Variants in NCR2 observed in about 807,000 individuals in gnomAD.
NCR2 encodes the protein natural cytotoxicity triggering receptor 2.
NCR2 carries 35 observed loss-of-function variants against 30.7 expected under a neutral mutation model. That is an observed-to-expected ratio of 1.14 (90% CI 0.87 to 1.51). The LOEUF (loss-of-function observed/expected upper bound fraction) is 1.51. Among genes scored for constraint, NCR2 ranks in the 40% most tolerant of loss-of-function variants. The probability of loss-of-function intolerance (pLI) is 0.00; values close to 1 mark genes in which losing one functional copy is unlikely to be tolerated. For synonymous variants in NCR2, 146 were observed against 134.8 expected (o/e 1.08, Z -0.58); for missense variants, 316 against 328.9 (o/e 0.96, Z 0.30).
chr6:41,350,657 GGTTTCCTGC>G lies in NCR2; in HGVS notation c.645-20_645-12del, dbSNP rs1321567607. The G allele has an allele frequency of 6.2e-7, 1 of 1,606,400 alleles. No homozygotes were observed. Among genetic ancestry groups the G allele is most frequent in the Admixed American group, 1.7e-5 (1 of 58,640 alleles). On this transcript the variant is annotated splice_polypyrimidine_tract_variant and intron_variant, in intron 4 of 4. Transcript: ENST00000373089. ...TGTGGCAGTCTCTGACCACCTTCCTGGTTTCCTGCTCTGATTGCAGGGGGGACATATGGT... is the reference window on the plus strand; with the variant it reads ...TGTGGCAGTCTCTGACCACCTTCCTGTCTGATTGCAGGGGGGACATATGGT...
intron 2 of NCR2, among the ~76,000 whole-genome samples, chr6:41,337,142 T>TA (rs201238959): frequency 7.9e-4 from 119 of 151,086 alleles, no homozygotes; most frequent in African/African-American, 1.9e-3. Context: ...GAGGACCTTC[T>TA]AAAAAAAAAT....
chr6:41,344,460 G>A lies in NCR2; in HGVS notation c.644+2311G>A, dbSNP rs535402539. On this transcript the variant is annotated intron_variant, in intron 4 of 4. Transcript: ENST00000373089. Reference sequence around the variant, plus strand: ...TTGGACCTACCAGACTGAGACTGACGTGATTATCTTTTCTCTCCTGTTTGT... The same window carrying A: ...TTGGACCTACCAGACTGAGACTGACATGATTATCTTTTCTCTCCTGTTTGT... Among the ~76,000 whole-genome samples the A allele has an allele frequency of 1.0e-3, 156 of 152,308 alleles. 1 individual carries two copies. Among genetic ancestry groups the A allele is most frequent in the East Asian group, 1.9e-4 (1 of 5,182 alleles).
intron 2 of NCR2, among the ~76,000 whole-genome samples, chr6:41,340,842 C>T (rs1044893791): frequency 1.3e-5 from 2 of 152,094 alleles, no homozygotes; most frequent in Non-Finnish European, 2.9e-5. Context: ...CCTAGACAGC[C>T]TCAGAGAGTG....
chr6:41,349,375 G>A (rs1769379065), intron 4 of NCR2, among the ~76,000 whole-genome samples: 1 of 152,076 alleles, frequency 6.6e-6, no homozygotes, highest in Admixed American at 6.5e-5. Flanking sequence ...TGATAGGAGT[G>A]TCTAACACAG....
intron 2 of NCR2, among the ~76,000 whole-genome samples, chr6:41,338,901 T>G (rs2114050611): frequency 6.6e-6 from 1 of 152,342 alleles, no homozygotes; most frequent in African/African-American, 2.4e-5. Flanking sequence ...TGTTGGTCTT[T>G]GCAGTACAAA....
chr6:41,350,599 G>A, intron 4 of NCR2, 79 bp from the exon 5 acceptor site: 1 of 1,272,396 alleles, frequency 7.9e-7, no homozygotes, highest in East Asian at 2.4e-5. Flanking sequence ...AGTGGGATGG[G>A]GAAGGGGTTG....
chr6:41,342,957 T>G (rs1235971358), intron 4 of NCR2: 1 of 1,550,480 alleles, frequency 6.4e-7, no homozygotes, highest in Non-Finnish European at 8.7e-7. Flanking sequence ...AAGGGAGGTC[T>G]CTGCTGCACC....
intron 4 of NCR2, among the ~76,000 whole-genome samples, chr6:41,349,534 G>A (rs1769381316): frequency 6.6e-6 from 1 of 152,118 alleles, no homozygotes; most frequent in African/African-American, 2.4e-5. Flanking sequence ...CCCAGGGAGG[G>A]GAGGGGGCTG....
At chr6:41,350,626 C>A in intron 4 of NCR2, 52 bp from the exon 5 acceptor site, 1 of 1,533,552 alleles carries the variant, frequency 6.5e-7, no homozygotes, top group Non-Finnish European at 8.9e-7. Context: ...CACCTATGTG[C>A]AATTATGTGG....
At chr6:41,339,398 T>C (rs1377306138) in intron 2 of NCR2, among the ~76,000 whole-genome samples, 2 of 151,348 alleles carry the variant, frequency 1.3e-5, no homozygotes, top group East Asian at 1.9e-4. Flanking sequence ...TTATTGTTGT[T>C]GTTTTGAGAC....
intron 4 of NCR2, among the ~76,000 whole-genome samples, chr6:41,342,408 CTCTT>C (rs1034474599): frequency 3.3e-5 from 5 of 152,042 alleles, no homozygotes; most frequent in African/African-American, 1.2e-4. Context: ...CCCTCTCTCT[CTCTT>C]TCTTCCCCCT....
chr6:41,343,994 T>A (rs1232228625), intron 4 of NCR2, among the ~76,000 whole-genome samples: 4 of 152,148 alleles, frequency 2.6e-5, no homozygotes, highest in African/African-American at 9.7e-5. Context: ...AGCCACACTC[T>A]GCCAAGGCCT....
At chr6:41,345,859 C>T (rs144827182) in intron 4 of NCR2, among the ~76,000 whole-genome samples, 125 of 152,268 alleles carry the variant, frequency 8.2e-4, no homozygotes, top group African/African-American at 2.9e-3. Flanking sequence ...TGAACGTCAC[C>T]GCGGTACTCT....
At position 41,336,203 on chromosome 6, in the gene NCR2, G is replaced by T; in HGVS notation, c.169G>T (p.Glu57Ter). The T allele has an allele frequency of 1.2e-6, 2 of 1,614,180 alleles. No individual in the cohort carries two copies. The highest frequency in any genetic ancestry group is 3.3e-4 in the Middle Eastern group (2 of 6,062). ...CTACGAGAAGAAAGGCTGGTGTAAG[G>T]AGGCTTCAGCACTTGTGTGCATCAG... ...SLYEKKGWCK[E>*]ASALVCIRLV... is the part of the protein sequence containing the mutation. The change falls in exon 2 of 5, where the codon GAG becomes TAG. Residue 57 changes from glutamate (E) to a stop codon, truncating the protein, a stop_gained. Transcript: ENST00000373089. LOFTEE classifies it high-confidence loss of function.
intron 4 of NCR2, among the ~76,000 whole-genome samples, chr6:41,347,168 T>C (rs1334050719): frequency 1.3e-5 from 2 of 152,130 alleles, no homozygotes; most frequent in Non-Finnish European, 2.9e-5. Flanking sequence ...TGAACTATGA[T>C]CGTGCCACTG....
intron 2 of NCR2, among the ~76,000 whole-genome samples, chr6:41,338,094 C>A (rs1269282992): frequency 1.3e-5 from 2 of 152,126 alleles, no homozygotes; most frequent in African/African-American, 4.8e-5. Flanking sequence ...ACTTTACTTG[C>A]CATTGAAAAA....
chr6:41,337,384 C>T (rs953386453), intron 2 of NCR2, among the ~76,000 whole-genome samples: 2 of 152,174 alleles, frequency 1.3e-5, no homozygotes, highest in African/African-American at 4.8e-5. Flanking sequence ...AGTGGCTTAA[C>T]GGTATACCCA....
intron 4 of NCR2, among the ~76,000 whole-genome samples, chr6:41,344,690 C>T (rs964976929): frequency 5.3e-5 from 8 of 152,252 alleles, no homozygotes; most frequent in South Asian, 2.1e-4. Context: ...TGAACTTTTC[C>T]GAAGCTTTCC....
intron 4 of NCR2, among the ~76,000 whole-genome samples, chr6:41,345,118 A>G (rs113574916): frequency 6.6e-6 from 1 of 152,096 alleles, no homozygotes; most frequent in Non-Finnish European, 1.5e-5. Flanking sequence ...AGCTCTCTGC[A>G]GCTGTTGAGA....
Sources: gnomAD v4.1 joint callset for allele counts (sites outside exome capture counted in the v4.1 genomes callset) on GRCh38, gnomAD v4.1.1 for gene constraint, MANE v1.5 for transcripts, NCBI Gene and HGNC (gene_info 2026-07-23, HGNC 2026-07-21) for gene names.